Variants in AZIN2 observed in about 807,000 individuals in gnomAD.
AZIN2 encodes antizyme inhibitor 2.
Under a neutral mutation model 47.8 loss-of-function variants are expected in AZIN2, and 28 were observed. The observed-to-expected ratio is 0.59, with a 90% CI of 0.43 to 0.80. AZIN2 has a LOEUF of 0.80. Ranked by LOEUF, AZIN2 falls within the 30% of genes least tolerant of loss-of-function variation. The probability of loss-of-function intolerance (pLI) is 0.00; values close to 1 mark genes in which losing one functional copy is unlikely to be tolerated. For synonymous variants in AZIN2, 221 were observed against 239.4 expected (o/e 0.92, Z 0.71); for missense variants, 535 against 582.5 (o/e 0.92, Z 0.84).
chr1:33,094,122 C>G (rs1220542600), intron 7 of AZIN2, among the ~76,000 whole-genome samples: 1 of 152,202 alleles, frequency 6.6e-6, no homozygotes, highest in African/African-American at 2.4e-5. Flanking sequence ...TTCATTTATT[C>G]TGTACTTAGG....
At chr1:33,143,417 C>T in the AZIN2 span, among the ~76,000 whole-genome samples, 250 of 152,192 alleles carry the variant, frequency 1.6e-3, no homozygotes, top group Non-Finnish European at 2.9e-3. Flanking sequence ...AATGAGAGGG[C>T]GTGGTTTTAG....
At chr1:33,138,626 C>CAAAA in the AZIN2 span, among the ~76,000 whole-genome samples, 40 of 66,048 alleles carry the variant, frequency 6.1e-4, no homozygotes, top group African/African-American at 1.3e-3. Flanking sequence ...ACAACAACAA[C>CAAAA]AAAAAAAAAA....
At chr1:33,084,879 C>T (rs180806788) in intron 5 of AZIN2, among the ~76,000 whole-genome samples, 4 of 152,254 alleles carry the variant, frequency 2.6e-5, no homozygotes, top group African/African-American at 4.8e-5. Flanking sequence ...GGTTTACAGC[C>T]GTGAGCCACC....
the AZIN2 span, among the ~76,000 whole-genome samples, chr1:33,132,174 C>CTGTG: frequency 6.6e-6 from 1 of 152,224 alleles, no homozygotes; most frequent in Non-Finnish European, 1.5e-5. Context: ...GAAGAACGCA[C>CTGTG]TGTGAGCTGC....
At chr1:33,166,619 A>T in the AZIN2 span, among the ~76,000 whole-genome samples, 1 of 152,228 alleles carries the variant, frequency 6.6e-6, no homozygotes, top group African/African-American at 2.4e-5. Flanking sequence ...GCCCCATAGC[A>T]TACAGATAAA....
At chr1:33,155,023 G>T in the AZIN2 span, among the ~76,000 whole-genome samples, 1 of 148,266 alleles carries the variant, frequency 6.7e-6, no homozygotes, top group South Asian at 2.1e-4. Flanking sequence ...AACCCGGGAG[G>T]CAGACCTTGC....
chr1:33,097,742 C>T (rs1643308742), intron 9 of AZIN2, among the ~76,000 whole-genome samples: 1 of 152,168 alleles, frequency 6.6e-6, no homozygotes. Context: ...TATCATGTGC[C>T]TCTGAGCAAG....
At chr1:33,116,867 T>TG (rs1271703420) in intron 10 of AZIN2, among the ~76,000 whole-genome samples, 2 of 152,214 alleles carry the variant, frequency 1.3e-5, no homozygotes, top group African/African-American at 4.8e-5. Flanking sequence ...AGGGTTTACC[T>TG]GGGGAGCCCA....
intron 5 of AZIN2, 142 bp from the exon 6 acceptor site, chr1:33,091,908 T>A: frequency 1.3e-6 from 1 of 784,754 alleles, no homozygotes; most frequent in Non-Finnish European, 2.1e-6. Flanking sequence ...CTGATATCTA[T>A]GTATCTGTTG....
chr1:33,096,343 C>T (rs1272815389), intron 8 of AZIN2, among the ~76,000 whole-genome samples: 5 of 152,096 alleles, frequency 3.3e-5, no homozygotes, highest in East Asian at 1.9e-4. Context: ...TGGACCCACA[C>T]GGTTCAAACC....
chr1:33,158,465 T>A, the AZIN2 span: 2 of 927,372 alleles, frequency 2.2e-6, no homozygotes. Context: ...TGGCATAGGA[T>A]GTGGTCATGA....
chr1:33,086,220 A>AT (rs936312004), intron 5 of AZIN2, among the ~76,000 whole-genome samples: 11 of 151,728 alleles, frequency 7.2e-5, no homozygotes, highest in Middle Eastern at 3.2e-3. Context: ...GGTAATTACT[A>AT]TTTTTTTTAA....
chr1:33,158,440 C>T, the AZIN2 span: 1 of 1,239,778 alleles, frequency 8.1e-7, no homozygotes, highest in Non-Finnish European at 1.2e-6. Context: ...GCCCCGCAGC[C>T]ACCTTCAGGG....
At chr1:33,111,406 A>G (rs1644278315) in intron 10 of AZIN2, among the ~76,000 whole-genome samples, 1 of 152,184 alleles carries the variant, frequency 6.6e-6, no homozygotes, top group African/African-American at 2.4e-5. Flanking sequence ...ATTGAATGCC[A>G]CGTTGAGATG....
the AZIN2 span, among the ~76,000 whole-genome samples, chr1:33,160,120 A>C: frequency 2.0e-5 from 3 of 152,248 alleles, no homozygotes; most frequent in Non-Finnish European, 4.4e-5. Context: ...GGCATGTTCT[A>C]TGTGGTCCAT....
chr1:33,099,642 T>C (rs942262795), intron 10 of AZIN2, among the ~76,000 whole-genome samples: 1 of 152,192 alleles, frequency 6.6e-6, no homozygotes, highest in Non-Finnish European at 1.5e-5. Flanking sequence ...CCCACCGGGA[T>C]CTTTGCTTTG....
chr1:33,165,640 G>A, the AZIN2 span: 1 of 1,331,450 alleles, frequency 7.5e-7, no homozygotes, highest in Non-Finnish European at 1.0e-6. The surrounding 1 kb of genome is among the most constrained non-coding windows in gnomAD (Gnocchi z 4.0). Flanking sequence ...ACCACTGCCA[G>A]GCGCTGGGGG....
At chr1:33,099,456 C>G (rs1036524507) in intron 10 of AZIN2, among the ~76,000 whole-genome samples, 1 of 152,218 alleles carries the variant, frequency 6.6e-6, no homozygotes, top group African/African-American at 2.4e-5. Flanking sequence ...AGCCCACATC[C>G]TACTGCACTG....
chr1:33,132,463 A>G, the AZIN2 span, among the ~76,000 whole-genome samples: 1 of 152,208 alleles, frequency 6.6e-6, no homozygotes, highest in African/African-American at 2.4e-5. Context: ...GTCAACCCCT[A>G]AACTGTACTT....
Sources: gnomAD v4.1 joint callset for allele counts (sites outside exome capture counted in the v4.1 genomes callset) on GRCh38, gnomAD v4.1.1 for gene constraint, Gnocchi (gnomAD v3.1) non-coding constraint, MANE v1.5 for transcripts, NCBI Gene and HGNC (gene_info 2026-07-23, HGNC 2026-07-21) for gene names.